IKZF2: variants seen among roughly 807,000 people sequenced by gnomAD.
IKZF2 encodes IKAROS family zinc finger 2, also known as zinc finger protein Helios.
In IKZF2, 15 loss-of-function variants were observed where a neutral mutation model predicts 49.2. The ratio of observed to expected loss-of-function variants is 0.30; its 90% CI spans 0.20 to 0.47. The LOEUF is 0.47. IKZF2 is among the 20% of genes least tolerant of loss of function. The pLI is 1.00. For synonymous variants in IKZF2, 227 were observed against 221.4 expected, an observed-to-expected ratio of 1.03 and a Z score of -0.23; for missense variants, 567 against 664.6, an observed-to-expected ratio of 0.85 and a Z score of 1.61.
chr2:213,067,997 T>G (rs1259212960), intron 4 of IKZF2, among the ~76,000 whole-genome samples: 1 of 152,140 alleles, frequency 6.6e-6, no homozygotes, highest in African/African-American at 2.4e-5. Flanking sequence ...ATTTGTGAAC[T>G]GAAGTCTTGG....
chr2:213,080,634 TA>T (rs1463236545), intron 4 of IKZF2, among the ~76,000 whole-genome samples: 7 of 152,308 alleles, frequency 4.6e-5, no homozygotes, highest in Admixed American at 2.0e-4. Context: ...AAAAGACTTT[TA>T]AATATTTTCT....
chr2:213,087,532 A>G lies in IKZF2; in HGVS notation c.140-30433T>C, dbSNP rs192316727. On this transcript the variant is annotated intron_variant, in intron 4 of 8. Transcript: ENST00000434687. ...AATTATACTTTAAGTTCTAGGGTAC[A>G]TGTGCACAACATGCAGGTTTGTTAC... Among the ~76,000 whole-genome samples the G allele has an allele frequency of 3.3e-5, 5 of 152,292 alleles. No homozygotes were observed. The East Asian group carries it at 9.6e-4, about 29-fold the overall frequency.
At chr2:213,130,475 G>T (rs184611836) in intron 4 of IKZF2, among the ~76,000 whole-genome samples, 1 of 152,130 alleles carries the variant, frequency 6.6e-6, no homozygotes, top group East Asian at 1.9e-4. Flanking sequence ...AGCATTTGGG[G>T]GAGCACTGAA....
intron 6 of IKZF2, among the ~76,000 whole-genome samples, chr2:213,035,253 C>CT (rs148059034): frequency 0.28 from 41,569 of 151,032 alleles, 6,379 homozygotes; most frequent in Non-Finnish European, 0.34. Context: ...AGTGGAAAAT[C>CT]TTTTTTTTTC....
At chr2:213,051,115 C>T (rs1700637305) in intron 5 of IKZF2, among the ~76,000 whole-genome samples, 1 of 151,836 alleles carries the variant, frequency 6.6e-6, no homozygotes, top group Non-Finnish European at 1.5e-5. Context: ...ATAATAAAAA[C>T]TCAAGGTTTT....
intron 4 of IKZF2, among the ~76,000 whole-genome samples, chr2:213,130,396 T>C (rs563957869): frequency 1.3e-5 from 2 of 152,232 alleles, no homozygotes; most frequent in South Asian, 2.1e-4. Context: ...AAGCTGTGCC[T>C]ACCTAGAGAC....
chr2:213,022,506 T>C lies in IKZF2; in HGVS notation c.575-376A>G, dbSNP rs540379759. 3.9e-5 allele frequency among the ~76,000 whole-genome samples: 6 copies of C among 151,922 alleles called. No homozygotes were observed. The South Asian group carries it at 1.3e-3, about 32-fold the overall frequency. ...TACATCAAGAGTTGTGGTTTTTTTT[T>C]GTTTGTTTTCTTTTCGGGTAAGGGC... On this transcript the variant is annotated intron_variant, in intron 6 of 8. Transcript: ENST00000434687.
rs1290331516 is a variant in IKZF2, at chr2:213,142,544, T to C, written c.139+5164A>G. ...GTGCCAGAAGTTGTGCTGAGCATTT[T>C]GCATGTATTGCCTTATTGAAATCTC... On this transcript the variant is annotated intron_variant, in intron 4 of 8. Transcript: ENST00000434687. Among the ~76,000 whole-genome samples, 3 of 152,030 alleles carry C rather than the reference T, an allele frequency of 2.0e-5. No homozygotes were observed. In the East Asian group the frequency reaches 5.8e-4, roughly 29 times the overall value.
At chr2:213,025,373 C>T (rs1236755744) in intron 6 of IKZF2, among the ~76,000 whole-genome samples, 2 of 152,096 alleles carry the variant, frequency 1.3e-5, no homozygotes, top group Non-Finnish European at 2.9e-5. Flanking sequence ...GTACATCTTT[C>T]AATGTCTGAG....
chr2:213,089,997 T>C (rs1705115181), intron 4 of IKZF2, among the ~76,000 whole-genome samples: 1 of 152,150 alleles, frequency 6.6e-6, no homozygotes, highest in Admixed American at 6.6e-5. Flanking sequence ...CACTCACAGC[T>C]GGGGAGAGAC....
chr2:213,150,585 AAAAG>A (rs1404259558), intron 1 of IKZF2, among the ~76,000 whole-genome samples: 2 of 151,640 alleles, frequency 1.3e-5, no homozygotes, highest in Non-Finnish European at 2.9e-5. Flanking sequence ...AAGAGGAAAA[AAAAG>A]AGAGAGAGAG....
intron 4 of IKZF2, among the ~76,000 whole-genome samples, chr2:213,114,026 G>C (rs1397534949): frequency 6.6e-6 from 1 of 152,076 alleles, no homozygotes; most frequent in Admixed American, 6.6e-5. Context: ...CTTGAGCCTG[G>C]TTCTCTGCCT....
chr2:213,150,300 C>G, intron 1 of IKZF2, 53 bp from the exon 2 acceptor site: 1 of 654,578 alleles, frequency 1.5e-6, no homozygotes, highest in Non-Finnish European at 2.5e-6. Flanking sequence ...TCCCCCTTCT[C>G]TCTTTCCCTC....
chr2:213,012,096 T>C (rs1696028084), intron 8 of IKZF2, among the ~76,000 whole-genome samples: 1 of 152,030 alleles, frequency 6.6e-6, no homozygotes, highest in African/African-American at 2.4e-5. Context: ...AGGCAATTTA[T>C]AATAAGTGTG....
At chr2:213,029,675 A>T (rs1448139014) in intron 6 of IKZF2, among the ~76,000 whole-genome samples, 1 of 152,096 alleles carries the variant, frequency 6.6e-6, no homozygotes, top group Non-Finnish European at 1.5e-5. Context: ...AGATGAAAAA[A>T]CAAAACAAAA....
At chr2:213,104,469 G>T (rs1228308529) in intron 4 of IKZF2, among the ~76,000 whole-genome samples, 2 of 152,010 alleles carry the variant, frequency 1.3e-5, no homozygotes, top group South Asian at 4.1e-4. Context: ...TTCCAATCTT[G>T]TACTACTTTC....
intron 4 of IKZF2, among the ~76,000 whole-genome samples, chr2:213,112,590 T>C (rs926433882): frequency 6.6e-6 from 1 of 151,786 alleles, no homozygotes; most frequent in Non-Finnish European, 1.5e-5. Context: ...GCCTTCTGCA[T>C]AGCTAAAATT....
intron 4 of IKZF2, 100 bp downstream of exon 4, chr2:213,147,608 C>A (rs1297545079): frequency 3.6e-6 from 3 of 833,406 alleles, no homozygotes; most frequent in Non-Finnish European, 6.4e-6. Flanking sequence ...ATAACAGTAG[C>A]TATACCACAA....
At chr2:213,056,330 C>G (rs1437072673) in intron 5 of IKZF2, among the ~76,000 whole-genome samples, 2 of 152,122 alleles carry the variant, frequency 1.3e-5, no homozygotes, top group African/African-American at 4.8e-5. Flanking sequence ...CATCCCTGAA[C>G]TACAAAAGCA....
Sources: gnomAD v4.1 joint callset for allele counts (sites outside exome capture counted in the v4.1 genomes callset) on GRCh38, gnomAD v4.1.1 for gene constraint, MANE v1.5 for transcripts, NCBI Gene and HGNC (gene_info 2026-07-23, HGNC 2026-07-21) for gene names.